The following SLC22A16 variants were observed in gnomAD, a reference collection of about 807,000 sequenced individuals.
SLC22A16 encodes the protein solute carrier family 22 member 16, also known as WUGSC:RG331P03.1.
SLC22A16 carries 53 observed loss-of-function variants against 52.9 expected under a neutral mutation model. That is an observed-to-expected ratio of 1.00 (90% confidence interval 0.80 to 1.26). SLC22A16 has a LOEUF of 1.26. Among genes scored for constraint, SLC22A16 ranks in the 50% most tolerant of loss-of-function variants. The pLI is 0.00. For synonymous variants in SLC22A16, 291 were observed against 268.8 expected (o/e 1.08, Z -0.81); for missense variants, 726 against 704.0 (o/e 1.03, Z -0.35).
chr6:110,426,159 G>A (rs181726106), intron 7 of SLC22A16, among the ~76,000 whole-genome samples: 14 of 152,260 alleles, frequency 9.2e-5, no homozygotes, highest in Admixed American at 4.6e-4. Context: ...TAACCCAGAC[G>A]CAGTAGCAGA....
intron 1 of SLC22A16, among the ~76,000 whole-genome samples, chr6:110,470,809 C>CTA (rs1776234707): frequency 6.6e-6 from 1 of 152,166 alleles, no homozygotes; most frequent in South Asian, 2.1e-4. Flanking sequence ...GTCAAGGCCC[C>CTA]TACAAGCTTA....
chr6:110,432,690 A>C (rs925373935), intron 6 of SLC22A16, among the ~76,000 whole-genome samples: 4 of 152,188 alleles, frequency 2.6e-5, no homozygotes, highest in African/African-American at 9.6e-5. Flanking sequence ...ATGCAACTTC[A>C]CTCTCTATTG....
intron 2 of SLC22A16, among the ~76,000 whole-genome samples, chr6:110,450,190 AG>A (rs36072301): frequency 0.12 from 18,422 of 151,628 alleles, 1,344 homozygotes; most frequent in East Asian, 0.3. Flanking sequence ...AAAAAAAAGG[AG>A]GGGGGGGCAC....
intron 1 of SLC22A16, among the ~76,000 whole-genome samples, chr6:110,472,225 C>T (rs1173701397): frequency 6.6e-6 from 1 of 152,138 alleles, no homozygotes; most frequent in Non-Finnish European, 1.5e-5. Flanking sequence ...GTCCCATTCA[C>T]TTCTCCTTCA....
At chr6:110,437,370 T>C (rs1774776625) in intron 5 of SLC22A16, among the ~76,000 whole-genome samples, 1 of 152,168 alleles carries the variant, frequency 6.6e-6, no homozygotes, top group Non-Finnish European at 1.5e-5. Context: ...GCAGCTGCCA[T>C]CTACTCAACT....
At chr6:110,468,657 A>C (rs1001464825) in intron 1 of SLC22A16, among the ~76,000 whole-genome samples, 4 of 150,800 alleles carry the variant, frequency 2.7e-5, no homozygotes, top group Non-Finnish European at 4.4e-5. Context: ...AAAAAAAAAA[A>C]AACAAAATGG....
At chr6:110,425,136 C>A (rs1484756419) in intron 7 of SLC22A16, 51 bp from the exon 8 acceptor site, 1 of 1,604,644 alleles carries the variant, frequency 6.2e-7, no homozygotes. Context: ...AAGGAACGAA[C>A]CCTTCGGAGA....
At position 110,476,516 on chromosome 6, in the gene SLC22A16, C is replaced by A. The variant is rs1369881477; in HGVS notation, c.53+6G>T. On this transcript the variant is annotated splice_donor_region_variant and intron_variant, in intron 1 of 7. Transcript: ENST00000368919. The stretch of plus-strand genomic sequence containing the variant: ...CGCGTGGCGCCGCGGGGCCCCTCCC[C>A]CATACCTGCCGAAGTGCCCCACGTG... 6.1e-6 allele frequency: 9 copies of A among 1,469,376 alleles called. No individual in the cohort carries two copies. Among genetic ancestry groups the A allele is most frequent in the Non-Finnish European group, 8.2e-6 (9 of 1,095,230 alleles). The allele number at this position is 1,469,376 out of a possible 1,614,324, so 91.0% of individuals were successfully genotyped here.
chr6:110,442,903 CAG>C (rs939241736), intron 3 of SLC22A16, 128 bp from the exon 4 acceptor site: 2 of 786,200 alleles, frequency 2.5e-6, no homozygotes, highest in African/African-American at 3.5e-5. Context: ...AAACCCCTAT[CAG>C]ATGTATAAAA....
At chr6:110,465,132 CA>C (rs990826913) in intron 1 of SLC22A16, among the ~76,000 whole-genome samples, 2 of 150,592 alleles carry the variant, frequency 1.3e-5, no homozygotes, top group South Asian at 4.2e-4. Context: ...AACTAGGCAT[CA>C]AAGTAACATA....
At chr6:110,425,161 C>T (rs1468511933) in intron 7 of SLC22A16, 76 bp from the exon 8 acceptor site, 1 of 1,578,584 alleles carries the variant, frequency 6.3e-7, no homozygotes, top group Non-Finnish European at 8.6e-7. Context: ...AATTTCCTAA[C>T]TGTTTTCAGA....
At chr6:110,452,640 G>C (rs1441417431) in intron 2 of SLC22A16, among the ~76,000 whole-genome samples, 1 of 152,100 alleles carries the variant, frequency 6.6e-6, no homozygotes, top group African/African-American at 2.4e-5. Context: ...TTTGAGAACA[G>C]CCTGGGCAAC....
intron 1 of SLC22A16, among the ~76,000 whole-genome samples, chr6:110,462,059 T>C (rs1396237832): frequency 6.6e-6 from 1 of 152,178 alleles, no homozygotes; most frequent in Non-Finnish European, 1.5e-5. Context: ...AAGAGAGAGC[T>C]TGTGCAGAGA....
In SLC22A16 at chr6:110,436,089, T is replaced by C; in HGVS notation, c.1312-128A>G. 3 of 631,278 alleles carry C rather than the reference T, an allele frequency of 4.8e-6. No individual in the cohort carries two copies. In the South Asian group the frequency reaches 6.1e-5, roughly 13 times the overall value. The allele number at this position is 631,278 out of a possible 1,614,324, so 39.1% of individuals were successfully genotyped here. On this transcript the variant is annotated intron_variant, in intron 5 of 7. Transcript: ENST00000368919. ...TTTTTCAGAACAATGAAGACCCTTA[T>C]TTTTCTGTTTGAATGTATTAAACTC...
chr6:110,460,590 G>A (rs1219020627), intron 1 of SLC22A16, among the ~76,000 whole-genome samples: 7 of 152,136 alleles, frequency 4.6e-5, no homozygotes, highest in Admixed American at 3.9e-4. Context: ...TGGTGATTTG[G>A]GAACTTCCTG....
Position 110,442,645 on chromosome 6 carries a change from C to T in SLC22A16, c.782G>A (p.Gly261Glu). 6.2e-7 allele frequency: 1 copy of T among 1,614,180 alleles called. No homozygotes were observed. Among genetic ancestry groups the T allele is most frequent in the Admixed American group, 1.7e-5 (1 of 60,022 alleles). The change falls in exon 4 of 8, where the codon GGA (glycine) becomes GAA (glutamate). Residue 261 changes from glycine (G) to glutamate (E), a missense_variant. Transcript: ENST00000368919. ...AVGTLLVALT[G>E]YLVRTWWLYQ... ...AAGCCACCAGGTCCTGACCAAGTAT[C>T]CTGTCAAAGCCACCAGCAGGGTTCC...
chr6:110,476,373 T>C (rs112174035), intron 1 of SLC22A16, 149 bp downstream of exon 1: 243,989 of 1,361,848 alleles, frequency 0.18, 23,188 homozygotes, highest in Middle Eastern at 0.26. Flanking sequence ...GGCCGGCGTC[T>C]GGACGCCCGT....
intron 1 of SLC22A16, among the ~76,000 whole-genome samples, chr6:110,465,100 T>TAA (rs71018392): frequency 3.1e-5 from 4 of 130,536 alleles, no homozygotes; most frequent in African/African-American, 2.6e-5. Context: ...CCCTTCATGA[T>TAA]AAAAAAAAAA....
intron 4 of SLC22A16, among the ~76,000 whole-genome samples, 184 bp downstream of exon 4, chr6:110,442,060 T>C (rs1345621692): frequency 6.6e-6 from 1 of 152,234 alleles, no homozygotes. Context: ...TCCCCTCATA[T>C]GTACATGTGT....
Sources: gnomAD v4.1 joint callset for allele counts (sites outside exome capture counted in the v4.1 genomes callset) on GRCh38, gnomAD v4.1.1 for gene constraint, MANE v1.5 for transcripts, NCBI Gene and HGNC (gene_info 2026-07-23, HGNC 2026-07-21) for gene names.